PSG11: variants seen among roughly 807,000 people sequenced by gnomAD.
PSG11 encodes the protein pregnancy-specific beta-1-glycoprotein 11.
A neutral mutation model predicts 36.0 loss-of-function variants in PSG11; 42 were observed. That is an observed-to-expected ratio of 1.17 (90% CI 0.91 to 1.51). The LOEUF (loss-of-function observed/expected upper bound fraction) is 1.51. Ranked by LOEUF, PSG11 falls within the 40% of genes most tolerant of loss-of-function variation. The probability of loss-of-function intolerance (pLI) is 0.00; values close to 1 mark genes in which losing one functional copy is unlikely to be tolerated. For synonymous variants in PSG11, 206 were observed against 153.5 expected (o/e 1.34, Z -2.53); for missense variants, 558 against 403.5 (o/e 1.38, Z -3.28).
At chr19:43,021,279 T>G (rs765057997) in intron 2 of PSG11, among the ~76,000 whole-genome samples, 9 of 151,476 alleles carry the variant, frequency 5.9e-5, no homozygotes, top group Non-Finnish European at 1.3e-4. Context: ...TATTGACACA[T>G]CCTCAAGCTA....
At chr19:43,013,001 C>T (rs555548160) in intron 4 of PSG11, among the ~76,000 whole-genome samples, 4 of 151,336 alleles carry the variant, frequency 2.6e-5, no homozygotes, top group Non-Finnish European at 4.4e-5. Flanking sequence ...TGATTTTCAT[C>T]GAGTGTGCCA....
At chr19:43,014,758 A>T (rs946971046) in intron 4 of PSG11, 2 of 1,226,386 alleles carry the variant, frequency 1.6e-6, no homozygotes, top group Admixed American at 7.0e-5. Context: ...TGGAAGAGGT[A>T]CAAGAAAACA....
intron 2 of PSG11, among the ~76,000 whole-genome samples, chr19:43,021,508 T>C (rs1436303597): frequency 1.3e-5 from 2 of 151,234 alleles, no homozygotes; most frequent in African/African-American, 4.9e-5. Context: ...CCCACCACCA[T>C]GCCCAGCTAA....
At chr19:43,021,032 G>A (rs560126325) in intron 2 of PSG11, among the ~76,000 whole-genome samples, 1 of 151,450 alleles carries the variant, frequency 6.6e-6, no homozygotes, top group African/African-American at 2.4e-5. Flanking sequence ...GGAAACAGTT[G>A]TATGTGGCAC....
chr19:43,024,351 T>A (rs1321445590), intron 2 of PSG11: 2 of 392,038 alleles, frequency 5.1e-6, no homozygotes, highest in East Asian at 1.1e-4. Context: ...CAGGGGCCCC[T>A]CAGGTCAAAT....
At chr19:43,021,485 G>A (rs146515394) in intron 2 of PSG11, among the ~76,000 whole-genome samples, 3 of 151,352 alleles carry the variant, frequency 2.0e-5, no homozygotes, top group Non-Finnish European at 4.4e-5. Flanking sequence ...CCAAGTAGCT[G>A]GTACTACAGG....
At chr19:43,010,488 G>T (rs1247626932) in intron 4 of PSG11, 12 of 1,023,148 alleles carry the variant, frequency 1.2e-5, no homozygotes, top group African/African-American at 1.7e-5. Flanking sequence ...TGCACAGAAA[G>T]CTTCTTTCCT....
At chr19:43,008,297 G>C (rs1180556783) in intron 5 of PSG11, among the ~76,000 whole-genome samples, 2 of 150,886 alleles carry the variant, frequency 1.3e-5, no homozygotes, top group African/African-American at 4.9e-5. Flanking sequence ...TTTTGAGATG[G>C]AGTCTCACTC....
At chr19:43,025,934 CTCT>C (rs1967241047) in intron 1 of PSG11, among the ~76,000 whole-genome samples, 2 of 61,482 alleles carry the variant, frequency 3.3e-5, no homozygotes, top group African/African-American at 1.4e-4. Context: ...TTTTTTTTTT[CTCT>C]TTTTTTTTTT....
chr19:43,010,074 AG>A (rs2122782503), intron 4 of PSG11, 33 bp from the exon 5 acceptor site: 1 of 1,598,684 alleles, frequency 6.3e-7, no homozygotes, highest in East Asian at 2.2e-5. Flanking sequence ...GAAGGAATGA[AG>A]GTGATGTTAT....
rs370153401 is a variant in PSG11 at position 43,021,948 on chromosome 19, T to C, written c.430+2743A>G. ...AGCATGGCTGACTCCATCTGGCATC[T>C]AGTCTCAGGCTGGCTGTCCTCACTC... On this transcript the variant is annotated intron_variant, in intron 2 of 5. Transcript: ENST00000320078. Among the ~76,000 whole-genome samples, 6 of 151,586 alleles carry C rather than the reference T, an allele frequency of 4.0e-5. 1 individual carries two copies. Among genetic ancestry groups the C allele is most frequent in the African/African-American group, 1.5e-4 (6 of 41,174 alleles).
intron 3 of PSG11, chr19:43,016,155 G>C (rs1436816118): frequency 6.8e-7 from 1 of 1,461,724 alleles, no homozygotes; most frequent in Non-Finnish European, 9.2e-7. Flanking sequence ...CCGAGTCCTT[G>C]AAAGCCAATA....
rs1234444544 is a variant in PSG11 at position 43,020,904 on chromosome 19, A to G, written c.431-1856T>C. 1.3e-5 allele frequency among the ~76,000 whole-genome samples: 2 copies of G among 151,480 alleles called. 1 individual carries two copies. The highest frequency in any genetic ancestry group is 4.9e-5 in the African/African-American group (2 of 41,050). ...GCTTTCTTCATTTTCTGTTAAGCTC[A>G]GGAAACACCACTAGAGTTTAAGTTT... is the stretch of plus-strand genomic sequence containing the variant. On this transcript the variant is annotated intron_variant, in intron 2 of 5. Coordinates refer to ENST00000320078, the MANE Select transcript of PSG11 (RefSeq NM_002785.3).
chr19:43,015,484 C>A (rs113665514), intron 3 of PSG11, 114 bp from the exon 4 acceptor site: 2 of 1,395,476 alleles, frequency 1.4e-6, no homozygotes, highest in African/African-American at 2.9e-5. Context: ...CAAGTCCCAG[C>A]CAAACCCCCT....
At chr19:43,019,209 A>C (rs184627278) in intron 2 of PSG11, among the ~76,000 whole-genome samples, 161 bp from the exon 3 acceptor site, 1 of 151,552 alleles carries the variant, frequency 6.6e-6, no homozygotes, top group Admixed American at 6.6e-5. Context: ...GGCATTCTGA[A>C]GGCTAAGAGA....
Position 43,022,776 on chromosome 19 carries a change from C to T in PSG11, c.430+1915G>A, listed in dbSNP as rs1201389513. On this transcript the variant is annotated intron_variant, in intron 2 of 5. Transcript: ENST00000320078. The stretch of plus-strand genomic sequence containing the variant: ...GCTCATTCTCTTAGTGACCTGGGGA[C>T]ATTGGCTCGAGATGAAGCCTGGCAG... 2.6e-5 allele frequency among the ~76,000 whole-genome samples: 4 copies of T among 151,136 alleles called. 1 individual carries two copies. Among genetic ancestry groups the T allele is most frequent in the Admixed American group, 2.6e-4 (4 of 15,158 alleles).
chr19:43,020,000 C>T (rs8104399), intron 2 of PSG11, among the ~76,000 whole-genome samples: 99,605 of 150,188 alleles, frequency 0.66, 35,084 homozygotes, highest in East Asian at 0.99. Flanking sequence ...AGACATTCTA[C>T]CCTCTGATTC....
At chr19:43,013,144 A>C (rs1974116214) in intron 4 of PSG11, among the ~76,000 whole-genome samples, 1 of 151,404 alleles carries the variant, frequency 6.6e-6, no homozygotes, top group Non-Finnish European at 1.5e-5. Context: ...TCATAGATCT[A>C]AATGTGAGAG....
intron 3 of PSG11, chr19:43,015,687 C>T: frequency 6.3e-7 from 1 of 1,578,132 alleles, no homozygotes; most frequent in Non-Finnish European, 8.6e-7. Flanking sequence ...TGTACTTGGA[C>T]CGGAGAGAGA....
Sources: allele counts gnomAD v4.1 joint callset (sites outside exome capture counted in the v4.1 genomes callset), GRCh38; gene constraint gnomAD v4.1.1; transcripts MANE v1.5; gene names NCBI Gene and HGNC (gene_info 2026-07-23, HGNC 2026-07-21).